The following SCFD2 variants were observed in gnomAD, a reference collection of about 807,000 sequenced individuals.
SCFD2 encodes sec1 family domain containing 2, also known as sec1 family domain-containing protein 2.
Under a neutral mutation model 58.9 loss-of-function variants are expected in SCFD2, and 54 were observed. The observed-to-expected ratio is 0.92, with a 90% CI of 0.74 to 1.15. The LOEUF (loss-of-function observed/expected upper bound fraction) is 1.15. Ranked by LOEUF, SCFD2 falls within the 50% of genes most tolerant of loss-of-function variation. The pLI is 0.00. For synonymous variants in SCFD2, 321 were observed against 335.9 expected, an observed-to-expected ratio of 0.96 and a Z score of 0.49; for missense variants, 805 against 836.6, an observed-to-expected ratio of 0.96 and a Z score of 0.47.
At chr4:53,096,165 C>A (rs546510201) in intron 5 of SCFD2, among the ~76,000 whole-genome samples, 1 of 152,112 alleles carries the variant, frequency 6.6e-6, no homozygotes, top group Admixed American at 6.6e-5. Context: ...GTGAACAGTG[C>A]CTCAAAAAAC....
At chr4:53,080,110 A>G (rs1360959584) in intron 5 of SCFD2, among the ~76,000 whole-genome samples, 1 of 152,212 alleles carries the variant, frequency 6.6e-6, no homozygotes, top group Non-Finnish European at 1.5e-5. Context: ...CAAGTGTTCT[A>G]GCAACGAAAC....
chr4:53,268,617 C>A (rs1442463964), intron 4 of SCFD2, among the ~76,000 whole-genome samples: 3 of 152,060 alleles, frequency 2.0e-5, no homozygotes, highest in African/African-American at 7.2e-5. Flanking sequence ...GCTATAGGAG[C>A]CACAGTGTGG....
chr4:52,997,791 G>A (rs1721778108), intron 5 of SCFD2, among the ~76,000 whole-genome samples: 1 of 152,178 alleles, frequency 6.6e-6, no homozygotes, highest in Non-Finnish European at 1.5e-5. Context: ...TTGATGAGGA[G>A]TCTGTCTTTG....
chr4:52,894,967 T>G (rs373150240), intron 7 of SCFD2, among the ~76,000 whole-genome samples: 123 of 152,318 alleles, frequency 8.1e-4, no homozygotes, highest in African/African-American at 2.9e-3. Flanking sequence ...GGTCTTTCAC[T>G]AACAAAGCCT....
At chr4:52,898,011 T>A (rs980712748) in intron 7 of SCFD2, among the ~76,000 whole-genome samples, 1 of 152,260 alleles carries the variant, frequency 6.6e-6, no homozygotes, top group African/African-American at 2.4e-5. Context: ...ATCCCCTTTG[T>A]CATTTGTTAT....
intron 4 of SCFD2, among the ~76,000 whole-genome samples, chr4:53,261,685 A>C (rs1188008684): frequency 6.6e-6 from 1 of 152,186 alleles, no homozygotes. Context: ...GATGAATAGA[A>C]CGCATATTCT....
chr4:52,972,122 A>C (rs1361075713), intron 5 of SCFD2, among the ~76,000 whole-genome samples: 1 of 152,198 alleles, frequency 6.6e-6, no homozygotes, highest in African/African-American at 2.4e-5. Flanking sequence ...CAAGCAAAAT[A>C]ACCAGCTAAC....
chr4:53,239,572 C>G (rs1351692315), intron 4 of SCFD2, among the ~76,000 whole-genome samples: 1 of 152,142 alleles, frequency 6.6e-6, no homozygotes, highest in Non-Finnish European at 1.5e-5. Flanking sequence ...GCAACCTCTG[C>G]CTCCTGGGTT....
chr4:52,881,228 G>C (rs1718602541), intron 8 of SCFD2, among the ~76,000 whole-genome samples: 1 of 152,194 alleles, frequency 6.6e-6, no homozygotes, highest in Admixed American at 6.5e-5. Context: ...CACTTTTTGT[G>C]AAAGACAGTT....
intron 3 of SCFD2, among the ~76,000 whole-genome samples, chr4:53,307,639 C>G (rs1390541496): frequency 1.3e-5 from 2 of 152,276 alleles, no homozygotes; most frequent in East Asian, 3.9e-4. Flanking sequence ...GTAGCTCCCA[C>G]CACCAGTGTG....
At chr4:52,954,900 C>T (rs374925043) in intron 5 of SCFD2, among the ~76,000 whole-genome samples, 138 of 152,254 alleles carry the variant, frequency 9.1e-4, no homozygotes, top group African/African-American at 3.2e-3. Context: ...CCTATCTGTA[C>T]GAGTACACAC....
intron 5 of SCFD2, among the ~76,000 whole-genome samples, chr4:53,140,014 C>T (rs1726079211): frequency 2.6e-5 from 4 of 151,488 alleles, no homozygotes; most frequent in South Asian, 4.2e-4. Flanking sequence ...GCAGCATGCT[C>T]GTTAAGAGTC....
intron 2 of SCFD2, among the ~76,000 whole-genome samples, chr4:53,333,232 G>C (rs900555619): frequency 6.8e-6 from 1 of 146,536 alleles, no homozygotes; most frequent in Admixed American, 6.9e-5. Flanking sequence ...TTTCTTCACA[G>C]AATTGGAAAA....
At chr4:53,029,425 T>C (rs1178393802) in intron 5 of SCFD2, among the ~76,000 whole-genome samples, 1 of 152,178 alleles carries the variant, frequency 6.6e-6, no homozygotes, top group Admixed American at 6.5e-5. Flanking sequence ...AGCTCTAATA[T>C]TTTCTTTCTT....
chr4:53,339,304 TAA>T (rs1280512889), intron 2 of SCFD2, among the ~76,000 whole-genome samples: 3 of 151,400 alleles, frequency 2.0e-5, no homozygotes, highest in Non-Finnish European at 4.4e-5. Flanking sequence ...TAGATTGAGA[TAA>T]GTTATTACAT....
intron 2 of SCFD2, among the ~76,000 whole-genome samples, chr4:53,343,583 A>T: frequency 6.6e-6 from 1 of 152,166 alleles, no homozygotes; most frequent in Non-Finnish European, 1.5e-5. Context: ...AAAAGAGGGA[A>T]TCCTCCCTCA....
chr4:53,130,829 T>C (rs989007585), intron 5 of SCFD2, among the ~76,000 whole-genome samples: 3 of 152,076 alleles, frequency 2.0e-5, no homozygotes, highest in African/African-American at 7.2e-5. Flanking sequence ...GGTCGATAAC[T>C]AAAAGGAAGA....
chr4:53,237,654 C>G (rs1486365462), intron 4 of SCFD2, among the ~76,000 whole-genome samples: 2 of 128,846 alleles, frequency 1.6e-5, no homozygotes, highest in African/African-American at 3.0e-5. Flanking sequence ...CTGACCCCCC[C>G]ACCTCCCTCC....
chr4:53,301,298 A>G (rs1418046655), intron 3 of SCFD2, among the ~76,000 whole-genome samples: 2 of 152,230 alleles, frequency 1.3e-5, no homozygotes, highest in African/African-American at 4.8e-5. Flanking sequence ...AATACAAATT[A>G]CCATCAGAGA....
Sources: gnomAD v4.1 joint callset for allele counts (sites outside exome capture counted in the v4.1 genomes callset) on GRCh38, gnomAD v4.1.1 for gene constraint, MANE v1.5 for transcripts, NCBI Gene and HGNC (gene_info 2026-07-23, HGNC 2026-07-21) for gene names.